The following NOL10 variants were observed in gnomAD, a reference collection of about 807,000 sequenced individuals.
NOL10 encodes the protein nucleolar protein 10, also known as H_NH0074G24.1.
NOL10 carries 58 observed loss-of-function variants against 103.5 expected under a neutral mutation model. The ratio of observed to expected loss-of-function variants is 0.56; its 90% CI spans 0.45 to 0.70. NOL10 has a LOEUF of 0.70. Ranked by LOEUF, NOL10 falls within the 30% of genes least tolerant of loss-of-function variation. The pLI, the probability that NOL10 is intolerant of heterozygous loss-of-function variation, is 0.00. For missense variants in NOL10, 763 were observed against 807.3 expected, an observed-to-expected ratio of 0.95 and a Z score of 0.67; for synonymous variants, 287 against 282.5, an observed-to-expected ratio of 1.02 and a Z score of -0.16.
intron 20 of NOL10, 32 bp downstream of exon 20, chr2:10,577,604 G>T (rs1271409681): frequency 2.0e-6 from 3 of 1,483,542 alleles, no homozygotes; most frequent in Admixed American, 1.8e-5. Flanking sequence ...TTTCTTTTGT[G>T]AATTAAAAAA....
intron 14 of NOL10, among the ~76,000 whole-genome samples, chr2:10,605,356 TA>T (rs1206170553): frequency 1.3e-5 from 2 of 152,200 alleles, no homozygotes; most frequent in African/African-American, 2.4e-5. Context: ...GCACTAAAAA[TA>T]ATCTTAGGAA....
intron 5 of NOL10, 73 bp downstream of exon 5, chr2:10,673,447 C>A: frequency 2.2e-6 from 2 of 916,072 alleles, no homozygotes; most frequent in Non-Finnish European, 3.2e-6. Flanking sequence ...TATAAAACTG[C>A]TTATCATTAA....
intron 3 of NOL10, among the ~76,000 whole-genome samples, chr2:10,678,421 TA>T (rs34336101): frequency 0.021 from 2,394 of 116,602 alleles, 58 homozygotes; most frequent in African/African-American, 0.06. Flanking sequence ...AAAAAAGTGG[TA>T]AAAAAAAAAA....
chr2:10,653,851 G>A (rs1202306492), intron 12 of NOL10, among the ~76,000 whole-genome samples: 1 of 152,028 alleles, frequency 6.6e-6, no homozygotes, highest in Non-Finnish European at 1.5e-5. Flanking sequence ...AGCTGTCAAA[G>A]TACTCTTTGC....
chr2:10,651,425 T>C (rs921225776), intron 12 of NOL10, among the ~76,000 whole-genome samples: 1 of 152,196 alleles, frequency 6.6e-6, no homozygotes, highest in Non-Finnish European at 1.5e-5. Context: ...TTTTTAAAAA[T>C]GGTAAAATTA....
intron 8 of NOL10, among the ~76,000 whole-genome samples, chr2:10,663,363 T>C (rs1281170098): frequency 2.0e-5 from 2 of 98,728 alleles, no homozygotes; most frequent in Non-Finnish European, 4.1e-5. Flanking sequence ...CAAGACTTCG[T>C]CTCAAAAAAA....
At chr2:10,640,505 GT>G (rs1316475414) in intron 13 of NOL10, among the ~76,000 whole-genome samples, 1 of 152,176 alleles carries the variant, frequency 6.6e-6, no homozygotes. Context: ...CTCTCTGGAT[GT>G]TTTTTTCACA....
intron 11 of NOL10, among the ~76,000 whole-genome samples, chr2:10,655,909 T>C (rs901665993): frequency 2.0e-4 from 31 of 152,148 alleles, no homozygotes; most frequent in African/African-American, 7.0e-4. Context: ...ACAGTGAAAT[T>C]CACACAGCTA....
chr2:10,637,905 A>G (rs1678376458), intron 13 of NOL10, among the ~76,000 whole-genome samples: 1 of 151,552 alleles, frequency 6.6e-6, no homozygotes, highest in African/African-American at 2.4e-5. Context: ...GTAAATGTTA[A>G]AATATTTAAT....
At chr2:10,581,786 A>C (rs2148147849) in intron 19 of NOL10, among the ~76,000 whole-genome samples, 1 of 152,262 alleles carries the variant, frequency 6.6e-6, no homozygotes, top group Non-Finnish European at 1.5e-5. Context: ...GCGCCTCTGC[A>C]CTCCAGCCTG....
chr2:10,622,293 C>A, intron 13 of NOL10: 1 of 409,826 alleles, frequency 2.4e-6, no homozygotes, highest in South Asian at 1.9e-5. Flanking sequence ...ATCAAAAAAA[C>A]CTTTGAGAAT....
chr2:10,681,594 T>G (rs904391435), intron 3 of NOL10, among the ~76,000 whole-genome samples: 2 of 152,226 alleles, frequency 1.3e-5, no homozygotes, highest in Non-Finnish European at 2.9e-5. Flanking sequence ...CCAATATAAA[T>G]GTTTTTACCT....
chr2:10,677,120 G>T (rs1452009434), intron 3 of NOL10, among the ~76,000 whole-genome samples: 3 of 151,960 alleles, frequency 2.0e-5, no homozygotes, highest in African/African-American at 7.3e-5. Context: ...TGTATTTTTA[G>T]TAGAGATGGG....
rs1558344197 is a variant in NOL10 at position 10,671,698 on chromosome 2, TAAAAC to T, written c.328-13_328-9del. ...ATTATGTAAGAAGACAATCTGAAAA[TAAAAC>T]AAAAAAATTAGTTTGCTTAGGTTTC... is the stretch of plus-strand genomic sequence containing the variant. On this transcript the variant is annotated splice_polypyrimidine_tract_variant and intron_variant, in intron 5 of 20. Transcript: ENST00000381685. The T allele has an allele frequency of 2.6e-6, 4 of 1,540,078 alleles. No homozygotes were observed. Among genetic ancestry groups the T allele is most frequent in the East Asian group, 2.4e-5 (1 of 42,294 alleles).
intron 17 of NOL10, among the ~76,000 whole-genome samples, chr2:10,596,571 A>G (rs1675706201): frequency 6.6e-6 from 1 of 152,120 alleles, no homozygotes. Context: ...CTGACCTGAC[A>G]GGAGGTGGGG....
intron 13 of NOL10, among the ~76,000 whole-genome samples, chr2:10,639,867 A>G (rs1678580746): frequency 6.6e-6 from 1 of 152,208 alleles, no homozygotes; most frequent in East Asian, 1.9e-4. Flanking sequence ...ATAAAAAATA[A>G]GGAAAGAACT....
chr2:10,628,764 T>C (rs140228248), intron 13 of NOL10, among the ~76,000 whole-genome samples: 6 of 152,322 alleles, frequency 3.9e-5, no homozygotes, highest in African/African-American at 7.2e-5. Context: ...GATGCTGTCA[T>C]GCGCAGTATT....
chr2:10,686,536 C>T (rs969338551), intron 1 of NOL10, among the ~76,000 whole-genome samples: 2 of 152,050 alleles, frequency 1.3e-5, no homozygotes, highest in Non-Finnish European at 2.9e-5. Flanking sequence ...TAGAGGATCA[C>T]CCTGGCAGCT....
chr2:10,589,327 C>T (rs1210044659), intron 18 of NOL10, 37 bp from the exon 19 acceptor site: 1 of 1,608,270 alleles, frequency 6.2e-7, no homozygotes. Flanking sequence ...CTCCTTTCCC[C>T]CAGTCAAACA....
Sources: allele counts gnomAD v4.1 joint callset (sites outside exome capture counted in the v4.1 genomes callset), GRCh38; gene constraint gnomAD v4.1.1; transcripts MANE v1.5; gene names NCBI Gene and HGNC (gene_info 2026-07-23, HGNC 2026-07-21).